The following TMEM230 variants were observed in gnomAD, a reference collection of about 807,000 sequenced individuals.
TMEM230 encodes the protein UPF0414 transmembrane protein C20orf30.
Under a neutral mutation model 15.8 loss-of-function variants are expected in TMEM230, and 10 were observed. The observed-to-expected ratio is 0.63, with a 90% CI of 0.39 to 1.07. The LOEUF is 1.07. Among genes scored for constraint, TMEM230 ranks in the 50% least tolerant of loss-of-function variants. TMEM230 has a pLI of 0.01. For synonymous variants in TMEM230, 67 were observed against 76.9 expected (o/e 0.87, Z 0.68); for missense variants, 165 against 193.3 (o/e 0.85, Z 0.87).
At chr20:5,106,078 AACACACACACACACACACACAC>A (rs61087830) in intron 4 of TMEM230, 88 bp downstream of exon 3, 13 of 551,084 alleles carry the variant, frequency 2.4e-5, no homozygotes, top group Middle Eastern at 9.0e-4. Context: ...GGGACGGACA[AACACACACACACACACACACAC>A]ACACACACAC....
At chr20:5,073,563 A>G (rs975498893) in intron 3 of TMEM230, among the ~76,000 whole-genome samples, 6 of 152,298 alleles carry the variant, frequency 3.9e-5, no homozygotes, top group Admixed American at 3.9e-4. Flanking sequence ...TGGGCCCTGG[A>G]TGAAGAGCAG....
chr20:5,064,414 TA>T (rs113602802), downstream of TMEM230, among the ~76,000 whole-genome samples: 7,189 of 151,490 alleles, frequency 0.047, 563 homozygotes, highest in African/African-American at 0.16. Context: ...CCATCTCTAT[TA>T]AAAACACAAA....
chr20:5,067,133 G>A (rs1453455412), downstream of TMEM230: 1 of 152,034 alleles, frequency 6.6e-6, no homozygotes, highest in Non-Finnish European at 1.5e-5. Context: ...GTCCTGCAGG[G>A]ATCCTCTGCA....
chr20:5,085,289 CTTTT>C (rs1168054615), intron 3 of TMEM230, among the ~76,000 whole-genome samples: 3 of 150,618 alleles, frequency 2.0e-5, no homozygotes, highest in Admixed American at 2.0e-4. Flanking sequence ...TTTTGTTTTT[CTTTT>C]TTTCTTTTTT....
Position 5,100,030 on chromosome 20 carries a change from C to G in TMEM230, c.*761G>C. ...ATGATGACATACTACAAGGTGCTAG[C>G]AATACGGCTATAAACTCTAAATAAT... On this transcript the variant is annotated 3_prime_UTR_variant, in exon 5 of 5. Transcript: ENST00000342308. The G allele has an allele frequency of 5.1e-6, 5 of 985,340 alleles. No homozygotes were observed. The highest frequency in any genetic ancestry group is 4.8e-6 in the Non-Finnish European group (4 of 829,916). The allele number at this position is 985,340 out of a possible 1,614,324, so 61.0% of individuals were successfully genotyped here. A position where few individuals can be genotyped will look rare whatever the true frequency, so the allele number is the denominator to read the frequency against.
chr20:5,106,046 G>A, intron 4 of TMEM230, 142 bp downstream of exon 3: 1 of 1,313,148 alleles, frequency 7.6e-7, no homozygotes, highest in Non-Finnish European at 1.0e-6. Context: ...GCAAGACCCT[G>A]TCTCAAAAAA....
At chr20:5,102,863 A>G (rs2089926411) in intron 4 of TMEM230, among the ~76,000 whole-genome samples, 1 of 152,208 alleles carries the variant, frequency 6.6e-6, no homozygotes, top group African/African-American at 2.4e-5. Context: ...CATTGATGCA[A>G]AAATCCTCAA....
chr20:5,069,012 TC>T (rs2088738790), exon 4 of TMEM230: 1 of 600,298 alleles, frequency 1.7e-6, no homozygotes, highest in Admixed American at 3.3e-5. Context: ...CAGCTGGAAT[TC>T]CTTTGGCCTG....
Position 5,100,895 on chromosome 20 carries a change from T to C in TMEM230, c.448A>G (p.Ile150Val). The C allele has an allele frequency of 4.3e-6, 7 of 1,614,156 alleles. No individual in the cohort carries two copies. Among genetic ancestry groups the C allele is most frequent in the Non-Finnish European group, 5.9e-6 (7 of 1,180,028 alleles). Reference sequence around the variant, plus strand: ...TAAAATCCGGGTAGGAACACCAGAATGCCAATGATCAGCACTGGAACGGCC... The same window carrying C: ...TAAAATCCGGGTAGGAACACCAGAACGCCAATGATCAGCACTGGAACGGCC... Residue 150 changes from isoleucine (I) to valine (V), a missense_variant, in exon 5 of 5, where the codon ATT (isoleucine) becomes GTT (valine). Ile to Val is a conservative substitution (Grantham distance 29). Coordinates refer to ENST00000342308, the MANE Select transcript of TMEM230 (RefSeq NM_001009923.2).
At chr20:5,103,274 C>A (rs968931912) in intron 4 of TMEM230, among the ~76,000 whole-genome samples, 1 of 151,878 alleles carries the variant, frequency 6.6e-6, no homozygotes, top group Non-Finnish European at 1.5e-5. Flanking sequence ...CCAGCCTGGG[C>A]AACATAATGA....
At chr20:5,069,471 G>A (rs1472325376) in intron 3 of TMEM230, 3 of 982,326 alleles carry the variant, frequency 3.1e-6, no homozygotes, top group African/African-American at 3.3e-5. Flanking sequence ...CTTCCTGAAG[G>A]CCTGTGTGAG....
In TMEM230 at chr20:5,113,044, A is replaced by C. The variant is rs752919179; in HGVS notation, c.-16T>G. 2 of 1,544,300 alleles carry C rather than the reference A, an allele frequency of 1.3e-6. No individual in the cohort carries two copies. Among genetic ancestry groups the C allele is most frequent in the Non-Finnish European group, 8.7e-7 (1 of 1,146,416 alleles). ...AAGGTTGCATGGCATGGCCCGCTTA[A>C]GTGCCACTCAGCCGGCCCCAGGCGG... On this transcript the variant is annotated 5_prime_UTR_variant, in exon 1 of 5. Transcript: ENST00000342308.
rs187567661 is a variant in TMEM230, at chr20:5,085,924, C to T, written c.223-16575G>A. 2.7e-3 allele frequency among the ~76,000 whole-genome samples: 418 copies of T among 152,262 alleles called. 6 individuals carry two copies. Among genetic ancestry groups the T allele is most frequent in the Admixed American group, 0.023 (356 of 15,272 alleles). On this transcript the variant is annotated intron_variant, in intron 3 of 3. Coordinates refer to the TMEM230 transcript ENST00000612323. ...GAAAGCAGGTGGTTGTCAGGCCATA[C>T]CTGCCGTGTCACCTCTCACAGGTGC...
downstream of TMEM230, among the ~76,000 whole-genome samples, chr20:5,099,464 C>T (rs560571186): frequency 6.6e-6 from 1 of 150,722 alleles, no homozygotes; most frequent in South Asian, 2.1e-4. Context: ...TTGTCCCTCA[C>T]TTCCTGAGTT....
downstream of TMEM230, among the ~76,000 whole-genome samples, chr20:5,097,969 A>AT (rs5840073): frequency 0.5 from 33,560 of 67,236 alleles, 12,522 homozygotes; most frequent in East Asian, 0.73. Flanking sequence ...CTAACTCAGG[A>AT]TTTTTTTTTT....
chr20:5,082,324 T>G (rs983931375), intron 3 of TMEM230, among the ~76,000 whole-genome samples: 1 of 152,006 alleles, frequency 6.6e-6, no homozygotes, highest in African/African-American at 2.4e-5. Context: ...CACTGCAACC[T>G]CTGCCTCCCA....
chr20:5,062,188 C>G, the TMEM230 span, among the ~76,000 whole-genome samples: 5 of 151,334 alleles, frequency 3.3e-5, no homozygotes, highest in East Asian at 9.7e-4. Flanking sequence ...CACCATTGCA[C>G]CCCAGCCTAG....
chr20:5,100,092 C>A lies in TMEM230; in HGVS notation c.*699G>T, dbSNP rs887699619. 6 of 985,170 alleles carry A rather than the reference C, an allele frequency of 6.1e-6. No homozygotes were observed. In the African/African-American group the frequency reaches 8.7e-5, roughly 14 times the overall value. The allele number at this position is 985,170 out of a possible 1,614,324, so 61.0% of individuals were successfully genotyped here. A position where few individuals can be genotyped will look rare whatever the true frequency, so the allele number is the denominator to read the frequency against. On this transcript the variant is annotated 3_prime_UTR_variant, in exon 5 of 5. Coordinates refer to ENST00000342308, the MANE Select transcript of TMEM230 (RefSeq NM_001009923.2). ...GTTTCATTAGGAAACAGCCAAAAGT[C>A]CGGCCGTTAAAGGAATAATCTGCAG...
intron 3 of TMEM230, among the ~76,000 whole-genome samples, chr20:5,091,026 G>A (rs1375008392): frequency 6.6e-6 from 1 of 151,944 alleles, no homozygotes; most frequent in East Asian, 1.9e-4. Flanking sequence ...TTTTAGGCAG[G>A]GTCTCGCTGT....
Sources: gnomAD v4.1 joint callset for allele counts (sites outside exome capture counted in the v4.1 genomes callset) on GRCh38, gnomAD v4.1.1 for gene constraint, MANE v1.5 for transcripts, NCBI Gene and HGNC (gene_info 2026-07-23, HGNC 2026-07-21) for gene names.